PLEKHA8: variants seen among roughly 807,000 people sequenced by gnomAD.
PLEKHA8 encodes the protein pleckstrin homology domain containing A8.
PLEKHA8 carries 36 observed loss-of-function variants against 68.2 expected under a neutral mutation model. The ratio of observed to expected loss-of-function variants is 0.53; its 90% CI spans 0.40 to 0.70. The LOEUF is 0.70. Among genes scored for constraint, PLEKHA8 ranks in the 30% least tolerant of loss-of-function variants. The probability of loss-of-function intolerance (pLI) is 0.00; values close to 1 mark genes in which losing one functional copy is unlikely to be tolerated. For synonymous variants in PLEKHA8, 211 were observed against 216.1 expected (o/e 0.98, Z 0.20); for missense variants, 505 against 615.4 (o/e 0.82, Z 1.90).
chr7:30,120,896 C>T (rs1400422685), intron 13 of PLEKHA8, among the ~76,000 whole-genome samples: 4 of 152,162 alleles, frequency 2.6e-5, no homozygotes, highest in Admixed American at 2.6e-4. Context: ...CAATTATTTC[C>T]AAGACAAATG....
At chr7:30,095,619 T>C (rs181607795), downstream of PLEKHA8, among the ~76,000 whole-genome samples, 6 of 152,380 alleles carry the variant, frequency 3.9e-5, no homozygotes, top group African/African-American at 1.4e-4. Context: ...TCCTGAATGG[T>C]ATTGCCTAGG....
intron 1 of PLEKHA8, among the ~76,000 whole-genome samples, chr7:30,034,010 C>CTTTTGTTTTTTTTTTTT (rs1790859175): frequency 2.9e-5 from 1 of 34,634 alleles, no homozygotes; most frequent in African/African-American, 1.3e-4. Flanking sequence ...TAAGAGGTTT[C>CTTTTGTTTTTTTTTTTT]TTTTTTTTTT....
intron 13 of PLEKHA8, among the ~76,000 whole-genome samples, chr7:30,110,953 G>A (rs2128017412): frequency 6.7e-6 from 1 of 149,970 alleles, no homozygotes; most frequent in East Asian, 2.0e-4. Flanking sequence ...TGCCCAGACT[G>A]GAGTGCAGTG....
At position 30,082,739 on chromosome 7, in the gene PLEKHA8, A is replaced by G; in HGVS notation, c.*3952A>G. On this transcript the variant is annotated 3_prime_UTR_variant, in exon 14 of 14. Coordinates refer to ENST00000449726, the MANE Select transcript of PLEKHA8 (RefSeq NM_001197026.2). ...TTTGAAGTGAGGGAAAGAGGAGCCA[A>G]AGTAAGAGATTTTTTTTTAAGGAAA... 1 of 985,248 alleles carries G rather than the reference A, an allele frequency of 1.0e-6. No homozygotes were observed. The highest frequency in any genetic ancestry group is 1.2e-6 in the Non-Finnish European group (1 of 829,848). The allele number at this position is 985,248 out of a possible 1,614,324, so 61.0% of individuals were successfully genotyped here.
At chr7:30,038,214 A>G (rs1376010835) in intron 1 of PLEKHA8, among the ~76,000 whole-genome samples, 2 of 152,156 alleles carry the variant, frequency 1.3e-5, no homozygotes, top group African/African-American at 4.8e-5. Context: ...AAAAAACTGA[A>G]CAAAATACAA....
intron 13 of PLEKHA8, among the ~76,000 whole-genome samples, chr7:30,116,188 G>A (rs1216324577): frequency 1.4e-5 from 2 of 147,570 alleles, no homozygotes; most frequent in African/African-American, 5.0e-5. Flanking sequence ...GTATACATAC[G>A]CATACATACA....
intron 1 of PLEKHA8, among the ~76,000 whole-genome samples, chr7:30,030,223 A>G (rs1158179891): frequency 1.3e-5 from 2 of 151,840 alleles, no homozygotes; most frequent in Admixed American, 1.3e-4. Context: ...CATTACACAC[A>G]CTTTTTTTCA....
chr7:30,053,640 C>T (rs1381685819), intron 7 of PLEKHA8, among the ~76,000 whole-genome samples: 1 of 152,116 alleles, frequency 6.6e-6, no homozygotes, highest in African/African-American at 2.4e-5. Flanking sequence ...CAAAACAGTG[C>T]AGTCATTTAT....
intron 1 of PLEKHA8, among the ~76,000 whole-genome samples, chr7:30,029,341 G>A (rs751855833): frequency 1.3e-5 from 2 of 152,162 alleles, no homozygotes; most frequent in Non-Finnish European, 2.9e-5. Context: ...CAGTTTCAAA[G>A]CTCTGCACAA....
In PLEKHA8 at chr7:30,049,464, C is replaced by T. The variant is rs898645050; in HGVS notation, c.597+82C>T. On this transcript the variant is annotated intron_variant, in intron 5 of 13. Transcript: ENST00000449726. Reference sequence around the variant, plus strand: ...ATAGTGAGTTATGTTCTCTATTACCCTTTAGTGACTTATAAAGACAGTTTT... The same window carrying T: ...ATAGTGAGTTATGTTCTCTATTACCTTTTAGTGACTTATAAAGACAGTTTT... The T allele has an allele frequency of 4.0e-6, 6 of 1,494,296 alleles. No individual in the cohort carries two copies. In the African/African-American group the frequency reaches 4.2e-5, roughly 10 times the overall value. The allele number at this position is 1,494,296 out of a possible 1,614,324, so 92.6% of individuals were successfully genotyped here. A position where few individuals can be genotyped will look rare whatever the true frequency, so the allele number is the denominator to read the frequency against.
chr7:30,057,270 A>G (rs10226302), intron 9 of PLEKHA8, among the ~76,000 whole-genome samples: 51 of 152,192 alleles, frequency 3.4e-4, no homozygotes, highest in African/African-American at 1.0e-3. Context: ...AAAACTTGAT[A>G]TAACTGGAAT....
intron 1 of PLEKHA8, among the ~76,000 whole-genome samples, chr7:30,039,384 G>A (rs372593155): frequency 1.1e-4 from 16 of 152,100 alleles, no homozygotes; most frequent in Non-Finnish European, 2.2e-4. Flanking sequence ...GTGTGCTGGC[G>A]GGCGCCTGTA....
chr7:30,052,640 C>CAAAAAAA lies in PLEKHA8; in HGVS notation c.639-55_639-49dup, dbSNP rs75714651. The CAAAAAAA allele has an allele frequency of 9.1e-4, 976 of 1,066,812 alleles. 12 individuals carry two copies. The African/African-American group carries it at 0.021, about 23-fold the overall frequency. 66.1% of individuals were successfully genotyped at this position (1,066,812 alleles called of 1,614,324 possible). On this transcript the variant is annotated intron_variant, in intron 6 of 13. Transcript: ENST00000449726. The stretch of plus-strand genomic sequence containing the variant: ...GGGTGACAGAGTGGAGACCCTGTTT[C>CAAAAAAA]AAAAAAAAAAAAAAAAAAAAGACCA...
intron 13 of PLEKHA8, chr7:30,118,001 G>A (rs774440355): frequency 1.1e-5 from 17 of 1,530,676 alleles, no homozygotes; most frequent in African/African-American, 9.6e-5. Context: ...TGGCCCAGGA[G>A]GGCTGTCACT....
At chr7:30,052,452 C>T (rs1792489326) in intron 6 of PLEKHA8, among the ~76,000 whole-genome samples, 1 of 152,018 alleles carries the variant, frequency 6.6e-6, no homozygotes, top group South Asian at 2.1e-4. Flanking sequence ...ACCTGGGCAA[C>T]ATAGTGACAC....
At chr7:30,109,480 C>T (rs929137652) in intron 13 of PLEKHA8, among the ~76,000 whole-genome samples, 4 of 146,202 alleles carry the variant, frequency 2.7e-5, no homozygotes, top group African/African-American at 5.0e-5. Flanking sequence ...CCCAGCTACT[C>T]GGGAGGCTTA....
intron 13 of PLEKHA8, among the ~76,000 whole-genome samples, chr7:30,109,622 G>A (rs1796201522): frequency 1.4e-5 from 2 of 139,718 alleles, no homozygotes; most frequent in Admixed American, 7.2e-5. Flanking sequence ...AAGAGAGAGA[G>A]ATTAACATTG....
rs1208041231 is a variant in PLEKHA8 at position 30,080,337 on chromosome 7, C to T, written c.*1550C>T. On this transcript the variant is annotated 3_prime_UTR_variant, in exon 14 of 14. Coordinates refer to ENST00000449726, the MANE Select transcript of PLEKHA8 (RefSeq NM_001197026.2). ...GGAGAGAAGCCATGGGTACCTTCCC[C>T]ATTAGAGGCTACTTCCTTCTAGTAA... 3.0e-6 allele frequency: 3 copies of T among 985,192 alleles called. No homozygotes were observed. The highest frequency in any genetic ancestry group is 3.6e-6 in the Non-Finnish European group (3 of 829,924). 61.0% of individuals were successfully genotyped at this position (985,192 alleles called of 1,614,324 possible). A position where few individuals can be genotyped will look rare whatever the true frequency, so the allele number is the denominator to read the frequency against.
intron 9 of PLEKHA8, among the ~76,000 whole-genome samples, chr7:30,056,505 G>T (rs1015864372): frequency 6.7e-5 from 10 of 148,230 alleles, no homozygotes; most frequent in African/African-American, 1.7e-4. Context: ...GAGGTGGGCG[G>T]ATCACCTGAG....
Sources: allele counts gnomAD v4.1 joint callset (sites outside exome capture counted in the v4.1 genomes callset), GRCh38; gene constraint gnomAD v4.1.1; transcripts MANE v1.5; gene names NCBI Gene and HGNC (gene_info 2026-07-23, HGNC 2026-07-21).